The following PPARGC1B variants were observed in gnomAD, a reference collection of about 807,000 sequenced individuals.
The protein encoded by PPARGC1B is PPARG coactivator 1 beta.
A neutral mutation model predicts 101.6 loss-of-function variants in PPARGC1B; 34 were observed. The ratio of observed to expected loss-of-function variants is 0.33; its 90% confidence interval spans 0.25 to 0.45. The LOEUF (loss-of-function observed/expected upper bound fraction) is 0.45. Among genes scored for constraint, PPARGC1B ranks in the 20% least tolerant of loss-of-function variants. PPARGC1B has a pLI of 1.00. For missense variants in PPARGC1B, 1,234 were observed against 1,317.6 expected (o/e 0.94, Z 0.98); for synonymous variants, 548 against 539.3 (o/e 1.02, Z -0.22).
intron 1 of PPARGC1B, among the ~76,000 whole-genome samples, chr5:149,736,049 G>A (rs1390032173): frequency 3.3e-5 from 5 of 152,134 alleles, no homozygotes; most frequent in Non-Finnish European, 7.3e-5. Flanking sequence ...GCTTGAACCC[G>A]GAGAATTGCT....
intron 1 of PPARGC1B, among the ~76,000 whole-genome samples, chr5:149,790,878 C>A (rs533054948): frequency 2.0e-5 from 3 of 151,984 alleles, no homozygotes; most frequent in African/African-American, 7.3e-5. Context: ...TTCCTGGGTC[C>A]CTGCCAGAGA....
chr5:149,792,610 G>T (rs1257032707), intron 1 of PPARGC1B, among the ~76,000 whole-genome samples: 1 of 152,158 alleles, frequency 6.6e-6, no homozygotes, highest in Non-Finnish European at 1.5e-5. Flanking sequence ...AAATCTTTTT[G>T]TGCCTGAGTT....
In PPARGC1B at chr5:149,730,521, G is replaced by A; in HGVS notation, c.78+101G>A. 2.2e-6 allele frequency: 2 copies of A among 895,766 alleles called. No individual in the cohort carries two copies. The highest frequency in any genetic ancestry group is 3.3e-6 in the Non-Finnish European group (2 of 613,542). 55.5% of individuals were successfully genotyped at this position (895,766 alleles called of 1,614,324 possible). A position where few individuals can be genotyped will look rare whatever the true frequency, so the allele number is the denominator to read the frequency against. On this transcript the variant is annotated intron_variant, in intron 1 of 11. Coordinates refer to ENST00000309241, the MANE Select transcript of PPARGC1B (RefSeq NM_133263.4). The surrounding 1 kb of genome is among the most constrained non-coding windows in gnomAD (Gnocchi z 4.0). Reference sequence around the variant, plus strand: ...CGGGAGGCAGCGGTGGGAGCCCTGGGGTAACTGGGGGTTCCAGGCTGCAGA... The same window carrying A: ...CGGGAGGCAGCGGTGGGAGCCCTGGAGTAACTGGGGGTTCCAGGCTGCAGA...
At chr5:149,809,836 GC>G (rs1265548624) in intron 1 of PPARGC1B, among the ~76,000 whole-genome samples, 1 of 152,110 alleles carries the variant, frequency 6.6e-6, no homozygotes, top group African/African-American at 2.4e-5. Context: ...TGCTAGGTAG[GC>G]CAGAGACGGG....
rs1754406409 is a variant in PPARGC1B at position 149,730,409 on chromosome 5, G to T, written c.67G>T (p.Ala23Ser). The change falls in exon 1 of 12, where the codon GCT (alanine) becomes TCT (serine). Residue 23 changes from alanine (A) to serine (S), a missense_variant. Ala to Ser is a moderately conservative substitution (Grantham distance 99, BLOSUM62 1). Coordinates refer to ENST00000309241, the MANE Select transcript of PPARGC1B (RefSeq NM_133263.4). This position sits in a 1 kb window ranked among gnomAD's most constrained non-coding sequence, Gnocchi z 4.0. ...ELSSFFLNYL[A>S]DTQGGGSGEE... ...CTCCTCCTTCTTCCTCAACTATCTC[G>T]CTGACACGCAGGTACGGCCGGCTGG... The T allele has an allele frequency of 6.4e-7, 1 of 1,562,162 alleles. No homozygotes were observed. Among genetic ancestry groups the T allele is most frequent in the Non-Finnish European group, 8.6e-7 (1 of 1,156,452 alleles).
intron 1 of PPARGC1B, among the ~76,000 whole-genome samples, chr5:149,777,128 GTTC>G (rs1233404722): frequency 1.4e-4 from 21 of 152,316 alleles, no homozygotes; most frequent in East Asian, 3.9e-4. Flanking sequence ...GTCTGAATCT[GTTC>G]TTCTTCTTGT....
At chr5:149,808,707 C>T (rs184019671) in intron 1 of PPARGC1B, among the ~76,000 whole-genome samples, 22 of 152,264 alleles carry the variant, frequency 1.4e-4, no homozygotes, top group Admixed American at 1.2e-3. Flanking sequence ...TTTTTGTACA[C>T]GGTCCTATAC....
At chr5:149,804,689 C>T (rs1757535816) in intron 1 of PPARGC1B, among the ~76,000 whole-genome samples, 2 of 152,014 alleles carry the variant, frequency 1.3e-5, no homozygotes, top group African/African-American at 4.8e-5. Context: ...AAAACAAAAA[C>T]CCACAGTGAT....
Position 149,837,149 on chromosome 5 carries a change from G to A in PPARGC1B, c.2618+76G>A, listed in dbSNP as rs939314234. 3.9e-6 allele frequency: 6 copies of A among 1,520,424 alleles called. No individual in the cohort carries two copies. The highest frequency in any genetic ancestry group is 3.9e-5 in the South Asian group (3 of 76,280). 94.2% of individuals were successfully genotyped at this position (1,520,424 alleles called of 1,614,324 possible). ...TCCCGGGGAGCCAGGAGCCCCAGGA[G>A]GGAGGATCCCTGGGAAGCTTGCTCT... On this transcript the variant is annotated intron_variant, in intron 8 of 11. Transcript: ENST00000309241. This position sits in a 1 kb window ranked among gnomAD's most constrained non-coding sequence, Gnocchi z 4.2.
intron 1 of PPARGC1B, among the ~76,000 whole-genome samples, chr5:149,736,398 A>G (rs921963848): frequency 3.3e-5 from 5 of 151,908 alleles, no homozygotes; most frequent in African/African-American, 1.2e-4. Flanking sequence ...AAAGAGAAGC[A>G]TAATTCTTAT....
chr5:149,785,852 G>T (rs1382384422), intron 1 of PPARGC1B, among the ~76,000 whole-genome samples: 1 of 152,072 alleles, frequency 6.6e-6, no homozygotes, highest in Admixed American at 6.5e-5. Context: ...GCTGCCCAAG[G>T]GTCCAGGACA....
chr5:149,772,954 ACCT>A (rs1171158570), intron 1 of PPARGC1B, among the ~76,000 whole-genome samples: 4 of 152,094 alleles, frequency 2.6e-5, no homozygotes, highest in Non-Finnish European at 5.9e-5. Context: ...CTGTGAACAT[ACCT>A]GGTGCTTAAG....
intron 1 of PPARGC1B, among the ~76,000 whole-genome samples, chr5:149,737,324 T>G (rs1754755715): frequency 2.6e-5 from 4 of 152,126 alleles, no homozygotes; most frequent in African/African-American, 9.7e-5. Flanking sequence ...AGTTGGAGAG[T>G]TAGGCCCTTG....
chr5:149,806,206 C>T (rs116256299), intron 1 of PPARGC1B, among the ~76,000 whole-genome samples: 2,959 of 152,336 alleles, frequency 0.019, 31 homozygotes, highest in Non-Finnish European at 0.024. Context: ...CCCCAGGAGC[C>T]GGCCACCTGA....
In PPARGC1B at chr5:149,832,202, G is replaced by A. The variant is rs539472637; in HGVS notation, c.583-454G>A. 2.6e-5 allele frequency among the ~76,000 whole-genome samples: 4 copies of A among 152,220 alleles called. No homozygotes were observed. Among genetic ancestry groups the A allele is most frequent in the South Asian group, 2.1e-4 (1 of 4,818 alleles). On this transcript the variant is annotated intron_variant, in intron 4 of 11. Coordinates refer to ENST00000309241, the MANE Select transcript of PPARGC1B (RefSeq NM_133263.4). This position sits in a 1 kb window ranked among gnomAD's most constrained non-coding sequence, Gnocchi z 4.9. ...TGCACGCCTGTAATCCCAACTACTC[G>A]GGAGGCTGAGGCAGGAGAATCGCTT... is the stretch of plus-strand genomic sequence containing the variant.
chr5:149,799,687 GTTGTTGTTTTTTTT>G (rs890893049), intron 1 of PPARGC1B, among the ~76,000 whole-genome samples: 1 of 85,438 alleles, frequency 1.2e-5, no homozygotes, highest in African/African-American at 4.2e-5. Flanking sequence ...TTGTTTGCTT[GTTGTTGTTTTTTTT>G]TTTTTTTTTT....
chr5:149,750,764 G>C (rs926804091), intron 1 of PPARGC1B, among the ~76,000 whole-genome samples: 1 of 152,194 alleles, frequency 6.6e-6, no homozygotes, highest in East Asian at 1.9e-4. Flanking sequence ...GATTATCTCT[G>C]GCCCGCACCA....
intron 1 of PPARGC1B, among the ~76,000 whole-genome samples, chr5:149,796,581 G>A (rs1757223502): frequency 6.6e-6 from 1 of 152,112 alleles, no homozygotes; most frequent in East Asian, 1.9e-4. Context: ...GTGTGGGAGT[G>A]GGAGGCCAGC....
chr5:149,804,059 A>G (rs1165421031), intron 1 of PPARGC1B, among the ~76,000 whole-genome samples: 5 of 152,260 alleles, frequency 3.3e-5, no homozygotes, highest in Admixed American at 6.5e-5. Flanking sequence ...CCCACTGGAA[A>G]AGGAAAGGCA....
Sources: gnomAD v4.1 joint callset for allele counts (sites outside exome capture counted in the v4.1 genomes callset) on GRCh38, gnomAD v4.1.1 for gene constraint, Gnocchi (gnomAD v3.1) non-coding constraint, MANE v1.5 for transcripts, NCBI Gene and HGNC (gene_info 2026-07-23, HGNC 2026-07-21) for gene names.